MCF2L: variants seen among roughly 807,000 people sequenced by gnomAD.
The protein encoded by MCF2L is MCF.2 cell line derived transforming sequence like, also known as guanine nucleotide exchange factor DBS.
A neutral mutation model predicts 153.4 loss-of-function variants in MCF2L; 97 were observed. That is an observed-to-expected ratio of 0.63 (90% CI 0.54 to 0.75). The LOEUF is 0.75. Among genes scored for constraint, MCF2L ranks in the 30% least tolerant of loss-of-function variants. The pLI is 0.00. For synonymous variants in MCF2L, 659 were observed against 632.2 expected, an observed-to-expected ratio of 1.04 and a Z score of -0.64; for missense variants, 1,347 against 1,495.2, an observed-to-expected ratio of 0.90 and a Z score of 1.64.
chr13:113,044,581 G>A, intron 3 of MCF2L: 1 of 1,536,960 alleles, frequency 6.5e-7, no homozygotes, highest in Non-Finnish European at 8.7e-7. Context: ...GCAGCTGCTG[G>A]CATCACGCAA....
intron 1 of MCF2L, among the ~76,000 whole-genome samples, chr13:113,011,753 A>C (rs9549337): frequency 0.01 from 699 of 67,334 alleles, 53 homozygotes; most frequent in East Asian, 0.039. Context: ...CACCGTGATG[A>C]GGACGGTGGA....
intron 1 of MCF2L, among the ~76,000 whole-genome samples, chr13:113,008,033 C>T (rs938397815): frequency 1.3e-5 from 2 of 151,626 alleles, no homozygotes; most frequent in African/African-American, 4.8e-5. Flanking sequence ...TCTCCAGCCT[C>T]AGCTTCCTGA....
intron 1 of MCF2L, among the ~76,000 whole-genome samples, chr13:112,900,546 G>A (rs1288220796): frequency 6.6e-6 from 1 of 152,202 alleles, no homozygotes; most frequent in East Asian, 1.9e-4. Context: ...TTTGTGGGGT[G>A]GTCTCGAAGG....
At chr13:113,034,787 C>T (rs899154773) in intron 3 of MCF2L, among the ~76,000 whole-genome samples, 1 of 152,224 alleles carries the variant, frequency 6.6e-6, no homozygotes, top group African/African-American at 2.4e-5. Context: ...GGTCCAGACA[C>T]AGCTCAGAAC....
At chr13:113,013,454 G>C (rs1344538403) in intron 1 of MCF2L, among the ~76,000 whole-genome samples, 2 of 152,222 alleles carry the variant, frequency 1.3e-5, no homozygotes, top group Admixed American at 6.5e-5. Flanking sequence ...ATAGCTGGCA[G>C]GGCCGCAGCC....
rs2033214246 is a variant in MCF2L at position 113,074,308 on chromosome 13, T to G, written c.997-136T>G. 1 of 1,113,244 alleles carries G rather than the reference T, an allele frequency of 9.0e-7. No homozygotes were observed. The highest frequency in any genetic ancestry group is 1.3e-6 in the Non-Finnish European group (1 of 761,718). The allele number at this position is 1,113,244 out of a possible 1,614,324, so 69.0% of individuals were successfully genotyped here. A position where few individuals can be genotyped will look rare whatever the true frequency, so the allele number is the denominator to read the frequency against. ...GGGGCCGACTTTGCACCTGTCTGAC[T>G]GTGGTCCCTGCTTGATTGATGACCA... is the stretch of plus-strand genomic sequence containing the variant. On this transcript the variant is annotated intron_variant, in intron 9 of 29. Transcript: ENST00000535094. This position sits in a 1 kb window ranked among gnomAD's most constrained non-coding sequence, Gnocchi z 4.2.
rs2032009225 is a variant in MCF2L, at chr13:113,064,237, A to C, written c.490-67A>C. Reference sequence around the variant, plus strand: ...CTCTGTGCTGCTGGGTGTTCTGCTGATGGGGCAGCTCTTTTGGGAGCCAAC... The same window carrying C: ...CTCTGTGCTGCTGGGTGTTCTGCTGCTGGGGCAGCTCTTTTGGGAGCCAAC... On this transcript the variant is annotated intron_variant, in intron 5 of 29. Transcript: ENST00000535094. This position sits in a 1 kb window ranked among gnomAD's most constrained non-coding sequence, Gnocchi z 6.0. 8.5e-7 allele frequency: 1 copy of C among 1,183,128 alleles called. No individual in the cohort carries two copies. The highest frequency in any genetic ancestry group is 1.5e-5 in the African/African-American group (1 of 66,622). The allele number at this position is 1,183,128 out of a possible 1,614,324, so 73.3% of individuals were successfully genotyped here.
chr13:113,029,363 C>T (rs1393711690), intron 3 of MCF2L, among the ~76,000 whole-genome samples: 2 of 152,200 alleles, frequency 1.3e-5, no homozygotes, highest in East Asian at 3.9e-4. Flanking sequence ...CAATTCTTGA[C>T]ACATTTCTAA....
At chr13:112,944,189 G>A (rs2081610308) in intron 2 of MCF2L, among the ~76,000 whole-genome samples, 1 of 149,166 alleles carries the variant, frequency 6.7e-6, no homozygotes, top group Non-Finnish European at 1.5e-5. Flanking sequence ...CCTGGGCTGT[G>A]AGGGGAGAGT....
Position 112,900,877 on chromosome 13 carries a change from G to A in MCF2L, c.-4-1322G>A, listed in dbSNP as rs531010957. Among the ~76,000 whole-genome samples the A allele has an allele frequency of 3.9e-4, 60 of 152,106 alleles. No individual in the cohort carries two copies. The South Asian group carries it at 5.4e-3, about 14-fold the overall frequency. On this transcript the variant is annotated intron_variant, in intron 1 of 29. Transcript: ENST00000375608. ...GACTGACAGCAGTGGCCCTGAGAGCGCCTGTGGGGTGGTCTGGGCACCTGC... is the reference window on the plus strand; with the variant it reads ...GACTGACAGCAGTGGCCCTGAGAGCACCTGTGGGGTGGTCTGGGCACCTGC...
chr13:113,042,364 G>A (rs2086554155), intron 3 of MCF2L: 1 of 152,254 alleles, frequency 6.6e-6, no homozygotes, highest in Admixed American at 6.5e-5. Flanking sequence ...TGCATTTTTT[G>A]AATCGAATAA....
intron 2 of MCF2L, among the ~76,000 whole-genome samples, chr13:112,908,920 T>C (rs939885768): frequency 1.3e-5 from 2 of 151,938 alleles, no homozygotes; most frequent in African/African-American, 4.8e-5. Context: ...GAGACGGGGT[T>C]TCACCATGTT....
At position 112,960,695 on chromosome 13, in the gene MCF2L, G is replaced by C. The variant is rs1355389893; in HGVS notation, c.170-54068G>C. 6.6e-6 allele frequency among the ~76,000 whole-genome samples: 1 copy of C among 152,124 alleles called. No homozygotes were observed. Among genetic ancestry groups the C allele is most frequent in the African/African-American group, 2.4e-5 (1 of 41,424 alleles). On this transcript the variant is annotated intron_variant, in intron 2 of 29. Coordinates refer to the MCF2L transcript ENST00000375608. This position sits in a 1 kb window ranked among gnomAD's most constrained non-coding sequence, Gnocchi z 4.2. ...AGTTCTAACACCAAGGTGTGAGCAGGGCTAGTCCCTTCTGGAGGCTCCAGG... is the reference window on the plus strand; with the variant it reads ...AGTTCTAACACCAAGGTGTGAGCAGCGCTAGTCCCTTCTGGAGGCTCCAGG...
chr13:113,064,499 G>A lies in MCF2L; in HGVS notation c.606+79G>A, dbSNP rs1023697642. ...CAGAATCGCTCTTGCATTACAACAC[G>A]GCCCTTTCCAAAAACACATTCACAT... On this transcript the variant is annotated intron_variant, in intron 6 of 29. Coordinates refer to ENST00000535094, the MANE Select transcript of MCF2L (RefSeq NM_001112732.3). The surrounding 1 kb of genome is among the most constrained non-coding windows in gnomAD (Gnocchi z 6.0). The A allele has an allele frequency of 1.1e-5, 10 of 886,570 alleles. No individual in the cohort carries two copies. Among genetic ancestry groups the A allele is most frequent in the Middle Eastern group, 5.1e-4 (2 of 3,932 alleles). 54.9% of individuals were successfully genotyped at this position (886,570 alleles called of 1,614,324 possible).
At chr13:112,920,337 A>G (rs1042163199) in intron 2 of MCF2L, among the ~76,000 whole-genome samples, 1 of 152,152 alleles carries the variant, frequency 6.6e-6, no homozygotes, top group Non-Finnish European at 1.5e-5. Context: ...ATTCAAAATC[A>G]GCTATGAAGA....
chr13:113,059,133 C>T (rs1156956708), intron 4 of MCF2L, among the ~76,000 whole-genome samples: 3 of 152,332 alleles, frequency 2.0e-5, no homozygotes, highest in African/African-American at 7.2e-5. Context: ...GTTGCAATCC[C>T]AGAGCTGGGT....
Position 112,993,316 on chromosome 13 carries a change from G to A in MCF2L, c.80-21447G>A, listed in dbSNP as rs913200647. On this transcript the variant is annotated intron_variant, in intron 1 of 29. Transcript: ENST00000535094. This position sits in a 1 kb window ranked among gnomAD's most constrained non-coding sequence, Gnocchi z 4.6. Reference sequence around the variant, plus strand: ...GGTGTTCCTGGGCAGAGGCTTGGTGGGCAGTAGGGGCCGACCTGAGGGCTC... The same window carrying A: ...GGTGTTCCTGGGCAGAGGCTTGGTGAGCAGTAGGGGCCGACCTGAGGGCTC... Among the ~76,000 whole-genome samples the A allele has an allele frequency of 6.6e-6, 1 of 152,250 alleles. No individual in the cohort carries two copies. Among genetic ancestry groups the A allele is most frequent in the Non-Finnish European group, 1.5e-5 (1 of 68,042 alleles).
intron 2 of MCF2L, among the ~76,000 whole-genome samples, chr13:112,931,859 G>A (rs142208727): frequency 2.5e-3 from 384 of 152,292 alleles, no homozygotes; most frequent in African/African-American, 9.0e-3. Context: ...CACTCCCCAT[G>A]ACCAAAGCAG....
chr13:112,910,344 T>TA (rs1264719234), intron 2 of MCF2L: 1 of 152,332 alleles, frequency 6.6e-6, no homozygotes, highest in African/African-American at 2.4e-5. Flanking sequence ...AAGAAAATGA[T>TA]AAAAATATTG....
Sources: gnomAD v4.1 joint callset for allele counts (sites outside exome capture counted in the v4.1 genomes callset) on GRCh38, gnomAD v4.1.1 for gene constraint, Gnocchi (gnomAD v3.1) non-coding constraint, MANE v1.5 for transcripts, NCBI Gene and HGNC (gene_info 2026-07-23, HGNC 2026-07-21) for gene names.